RBFOX1: variants seen among roughly 807,000 people sequenced by gnomAD.
The protein encoded by RBFOX1 is RNA binding protein fox-1 homolog 1.
Under a neutral mutation model 57.7 loss-of-function variants are expected in RBFOX1, and 8 were observed. The observed-to-expected ratio is 0.14, with a 90% CI of 0.08 to 0.25. The LOEUF is 0.25. Among genes scored for constraint, RBFOX1 ranks in the 10% least tolerant of loss-of-function variants. The pLI, the probability that RBFOX1 is intolerant of heterozygous loss-of-function variation, is 1.00. For synonymous variants in RBFOX1, 326 were observed against 222.4 expected, an observed-to-expected ratio of 1.47 and a Z score of -4.15; for missense variants, 611 against 548.5, an observed-to-expected ratio of 1.11 and a Z score of -1.14.
At chr16:6,981,536 GT>G (rs1182264706) in intron 3 of RBFOX1, among the ~76,000 whole-genome samples, 10 of 152,118 alleles carry the variant, frequency 6.6e-5, no homozygotes, top group Non-Finnish European at 1.2e-4. Flanking sequence ...CTGAGACTGG[GT>G]AATTTATAAA....
At chr16:7,563,740 T>A (rs2091001503) in intron 5 of RBFOX1, among the ~76,000 whole-genome samples, 1 of 152,120 alleles carries the variant, frequency 6.6e-6, no homozygotes, top group Non-Finnish European at 1.5e-5. Flanking sequence ...AGTGCTGGGA[T>A]TACAGGGCTG....
At chr16:6,550,269 C>G (rs60829332) in intron 2 of RBFOX1, among the ~76,000 whole-genome samples, 12,480 of 152,116 alleles carry the variant, frequency 0.082, 1,261 homozygotes, top group African/African-American at 0.24. Flanking sequence ...CCTCCGCCTC[C>G]CAGGTTCAAC....
At chr16:6,787,428 A>G (rs1567242342) in intron 3 of RBFOX1, among the ~76,000 whole-genome samples, 1 of 152,146 alleles carries the variant, frequency 6.6e-6, no homozygotes, top group East Asian at 1.9e-4. Context: ...GATTTCCAAA[A>G]TTATTTTATT....
chr16:6,661,631 C>G (rs1457003618), intron 3 of RBFOX1, among the ~76,000 whole-genome samples: 1 of 152,108 alleles, frequency 6.6e-6, no homozygotes, highest in South Asian at 2.1e-4. Context: ...GGGGTTGGAG[C>G]CCAGAGAAAG....
At chr16:5,407,126 G>C (rs2066888822) in intron 1 of RBFOX1, among the ~76,000 whole-genome samples, 2 of 152,142 alleles carry the variant, frequency 1.3e-5, no homozygotes, top group Non-Finnish European at 1.5e-5. Flanking sequence ...CATCTTTCTT[G>C]GTCTCAGGCA....
chr16:6,468,416 T>A (rs924737189), intron 2 of RBFOX1, among the ~76,000 whole-genome samples: 5 of 152,184 alleles, frequency 3.3e-5, no homozygotes, highest in African/African-American at 1.2e-4. Context: ...CGCAACGATG[T>A]TGTAAAGAAT....
At chr16:5,983,443 A>G (rs1461685977) in intron 4 of RBFOX1, among the ~76,000 whole-genome samples, 2 of 152,148 alleles carry the variant, frequency 1.3e-5, no homozygotes, top group African/African-American at 4.8e-5. Context: ...GAAAGGAGAT[A>G]AGGGCTGGGG....
At chr16:5,642,237 G>C (rs1476242808) in intron 3 of RBFOX1, among the ~76,000 whole-genome samples, 1 of 152,232 alleles carries the variant, frequency 6.6e-6, no homozygotes, top group Admixed American at 6.5e-5. Flanking sequence ...GGAGAGATAA[G>C]AGAAGGTTTA....
At position 7,683,046 on chromosome 16, in the gene RBFOX1, C is replaced by T. The variant is rs1597997736; in HGVS notation, c.995+6208C>T. Among the ~76,000 whole-genome samples, 3 of 1,002 alleles carry T rather than the reference C, an allele frequency of 3.0e-3. 1 individual carries two copies. Among genetic ancestry groups the T allele is most frequent in the East Asian group, 0.017 (1 of 58 alleles). 0.7% of individuals were successfully genotyped at this position (1,002 alleles called of 152,430 possible). A position where few individuals can be genotyped will look rare whatever the true frequency, so the allele number is the denominator to read the frequency against. ...TATATATATATATAAAACAGTGCTC[C>T]TCTTAAAGTGATGTTGATTGTATAT... On this transcript the variant is annotated intron_variant, in intron 14 of 15. Transcript: ENST00000550418.
At chr16:7,176,961 T>A (rs1470804010) in intron 4 of RBFOX1, among the ~76,000 whole-genome samples, 1 of 152,188 alleles carries the variant, frequency 6.6e-6, no homozygotes, top group East Asian at 1.9e-4. Flanking sequence ...CTTTAGTAAT[T>A]CATTTACAAG....
At chr16:5,992,386 G>A (rs143415061) in intron 4 of RBFOX1, among the ~76,000 whole-genome samples, 1 of 152,312 alleles carries the variant, frequency 6.6e-6, no homozygotes, top group Non-Finnish European at 1.5e-5. Flanking sequence ...TCATTAAAGC[G>A]AGACCAATGG....
intron 1 of RBFOX1, among the ~76,000 whole-genome samples, chr16:6,214,036 C>T (rs11640806): frequency 0.25 from 38,416 of 152,090 alleles, 5,501 homozygotes; most frequent in East Asian, 0.37. Context: ...AATCACTGCT[C>T]TGTCAGATGT....
chr16:6,256,297 A>G (rs1348519336), intron 1 of RBFOX1, among the ~76,000 whole-genome samples: 47 of 133,776 alleles, frequency 3.5e-4, no homozygotes, highest in Non-Finnish European at 5.9e-4. Flanking sequence ...GTATATATAT[A>G]TGTATATATA....
intron 4 of RBFOX1, among the ~76,000 whole-genome samples, chr16:5,871,524 A>T (rs772864726): frequency 6.6e-6 from 1 of 152,184 alleles, no homozygotes; most frequent in South Asian, 2.1e-4. Context: ...AAAAACGCAT[A>T]CACATTTCCC....
intron 4 of RBFOX1, among the ~76,000 whole-genome samples, chr16:7,147,512 C>A (rs562953729): frequency 6.6e-6 from 1 of 152,056 alleles, no homozygotes; most frequent in Non-Finnish European, 1.5e-5. Context: ...TTGCTCTTAT[C>A]CTGATGTCCA....
chr16:5,317,976 C>T (rs957842373), intron 1 of RBFOX1, among the ~76,000 whole-genome samples: 8 of 152,212 alleles, frequency 5.3e-5, no homozygotes, highest in African/African-American at 1.7e-4. Flanking sequence ...TACTTTCTGC[C>T]TCTAAATGCT....
intron 2 of RBFOX1, among the ~76,000 whole-genome samples, chr16:6,442,152 T>C (rs1400662319): frequency 2.0e-5 from 3 of 152,202 alleles, no homozygotes; most frequent in East Asian, 1.9e-4. Flanking sequence ...CCAGTGAGAA[T>C]AGCAGGGGAC....
chr16:5,569,015 ATT>A (rs34247073), intron 2 of RBFOX1, among the ~76,000 whole-genome samples: 2,067 of 139,406 alleles, frequency 0.015, 52 homozygotes, highest in African/African-American at 0.047. Flanking sequence ...TAATTTTTGT[ATT>A]TTTTTTTTTT....
At chr16:7,108,155 T>C (rs1320811433) in intron 4 of RBFOX1, among the ~76,000 whole-genome samples, 1 of 152,096 alleles carries the variant, frequency 6.6e-6, no homozygotes, top group Non-Finnish European at 1.5e-5. Flanking sequence ...TTCAGGAAAA[T>C]TGTGCTCGAC....
Sources: gnomAD v4.1 joint callset for allele counts (sites outside exome capture counted in the v4.1 genomes callset) on GRCh38, gnomAD v4.1.1 for gene constraint, MANE v1.5 for transcripts, NCBI Gene and HGNC (gene_info 2026-07-23, HGNC 2026-07-21) for gene names.